The following PTK7 variants were observed in gnomAD, a reference collection of about 807,000 sequenced individuals.
The protein encoded by PTK7 is protein tyrosine kinase 7 (inactive), also known as inactive tyrosine-protein kinase 7.
PTK7 carries 39 observed loss-of-function variants against 116.6 expected under a neutral mutation model. The observed-to-expected ratio is 0.33, with a 90% CI of 0.26 to 0.44. The LOEUF is 0.44. Ranked by LOEUF, PTK7 falls within the 20% of genes least tolerant of loss-of-function variation. The pLI is 1.00. For synonymous variants in PTK7, 546 were observed against 563.6 expected, an observed-to-expected ratio of 0.97 and a Z score of 0.44; for missense variants, 1,169 against 1,425.6, an observed-to-expected ratio of 0.82 and a Z score of 2.90.
chr6:43,157,364 A>ATTTT (rs1293389236), intron 17 of PTK7, among the ~76,000 whole-genome samples: 31 of 54,322 alleles, frequency 5.7e-4, no homozygotes, highest in South Asian at 1.6e-3. Context: ...ATATATATAT[A>ATTTT]TTTTTTTTTT....
Position 43,144,517 on chromosome 6 carries a change from G to A in PTK7, c.2318G>A (p.Gly773Asp), listed in dbSNP as rs2150455629. Reference protein sequence around the residue: ...IQEEVALTSLGSGPAATNKRH... With the variant: ...IQEEVALTSLDSGPAATNKRH... ...GAAGAAGTGGCCTTGACCAGCTTGG[G>A]CTCCGGCCCCGCGGCCACCAACAAA... Residue 773 changes from glycine to aspartate, a missense_variant, in exon 15 of 20, where the codon GGC becomes GAC. Physicochemically the swap from Gly to Asp is moderately conservative, Grantham distance 94. Coordinates refer to ENST00000230419, the MANE Select transcript of PTK7 (RefSeq NM_002821.5). The A allele has an allele frequency of 6.2e-7, 1 of 1,614,156 alleles. No homozygotes were observed. Among genetic ancestry groups the A allele is most frequent in the South Asian group, 1.1e-5 (1 of 91,074 alleles).
chr6:43,118,536 G>GAAAT (rs1432480374), intron 1 of PTK7, among the ~76,000 whole-genome samples: 1 of 149,368 alleles, frequency 6.7e-6, no homozygotes, highest in African/African-American at 2.5e-5. Context: ...ACTCTGTCTT[G>GAAAT]AAATAAATAA....
Position 43,083,559 on chromosome 6 carries a change from C to T in PTK7, c.79+6992C>T, listed in dbSNP as rs117051930. On this transcript the variant is annotated intron_variant, in intron 1 of 19. Coordinates refer to ENST00000230419, the MANE Select transcript of PTK7 (RefSeq NM_002821.5). ...GTCACTTTTTCCATCCTCTTTTCTT[C>T]TCTGCATTTAGGCCGTTTCCCTCCC... Among the ~76,000 whole-genome samples the T allele has an allele frequency of 5.7e-4, 87 of 152,300 alleles. 1 individual carries two copies. In the East Asian group the frequency reaches 0.016, roughly 28 times the overall value.
chr6:43,123,843 C>T (rs914718055), intron 1 of PTK7, among the ~76,000 whole-genome samples: 2 of 152,156 alleles, frequency 1.3e-5, no homozygotes, highest in Non-Finnish European at 2.9e-5. Flanking sequence ...GCACCCTCTG[C>T]GTTTTGTGCC....
chr6:43,143,331 G>A lies in PTK7; in HGVS notation c.2048-86G>A, dbSNP rs1300315411. On this transcript the variant is annotated intron_variant, in intron 13 of 19. Transcript: ENST00000230419. The surrounding 1 kb of genome is among the most constrained non-coding windows in gnomAD (Gnocchi z 4.2). Reference sequence around the variant, plus strand: ...CCCGGGCCATCTGTTAAGTTGCCCTGTTGATGGGGTTGGGAGGAGTTAGTA... The same window carrying A: ...CCCGGGCCATCTGTTAAGTTGCCCTATTGATGGGGTTGGGAGGAGTTAGTA... 1 of 1,376,110 alleles carries A rather than the reference G, an allele frequency of 7.3e-7. No individual in the cohort carries two copies. Among genetic ancestry groups the A allele is most frequent in the Non-Finnish European group, 1.0e-6 (1 of 995,530 alleles). The allele number at this position is 1,376,110 out of a possible 1,614,324, so 85.2% of individuals were successfully genotyped here. A position where few individuals can be genotyped will look rare whatever the true frequency, so the allele number is the denominator to read the frequency against.
chr6:43,148,705 T>G (rs1770867141), intron 17 of PTK7, among the ~76,000 whole-genome samples: 1 of 151,930 alleles, frequency 6.6e-6, no homozygotes, highest in Non-Finnish European at 1.5e-5. Context: ...TGGGGGAACT[T>G]TAATAAGTTG....
chr6:43,132,596 C>T lies in PTK7; in HGVS notation c.1137C>T (p.Ala379=). ...VYQKGHELVL[A]NIAESDAGVY... The stretch of plus-strand genomic sequence containing the variant: ...AGAAGGGCCACGAGCTGGTGTTGGC[C>T]AATATTGCTGAAAGTGATGCTGGTG... The change falls in exon 7 of 20, where the codon GCC becomes GCT. Residue 379 remains alanine, a synonymous_variant. Transcript: ENST00000230419. The T allele has an allele frequency of 6.2e-7, 1 of 1,612,052 alleles. No individual in the cohort carries two copies. Among genetic ancestry groups the T allele is most frequent in the Non-Finnish European group, 8.5e-7 (1 of 1,179,284 alleles).
chr6:43,082,292 C>T (rs1443121155), intron 1 of PTK7, among the ~76,000 whole-genome samples: 2 of 152,206 alleles, frequency 1.3e-5, no homozygotes, highest in African/African-American at 2.4e-5. Flanking sequence ...TCTCCTGCCT[C>T]AGCCTCCTGA....
chr6:43,121,539 C>T (rs767722177), intron 1 of PTK7, among the ~76,000 whole-genome samples: 20 of 152,162 alleles, frequency 1.3e-4, no homozygotes, highest in Non-Finnish European at 2.4e-4. Context: ...TTTGTAGACC[C>T]TGGGAAGACA....
At chr6:43,127,015 C>G (rs1769331710) in intron 1 of PTK7, among the ~76,000 whole-genome samples, 1 of 152,168 alleles carries the variant, frequency 6.6e-6, no homozygotes, top group Non-Finnish European at 1.5e-5. Flanking sequence ...CTCATCTGGA[C>G]CCAGCCTGGG....
At chr6:43,100,975 G>A (rs974866671) in intron 1 of PTK7, among the ~76,000 whole-genome samples, 2 of 152,240 alleles carry the variant, frequency 1.3e-5, no homozygotes, top group African/African-American at 4.8e-5. Flanking sequence ...GCTCACGCCT[G>A]TAATCCCAGC....
Position 43,141,605 on chromosome 6 carries a change from G to T in PTK7, c.1619-63G>T. ...TTTTGAGTAGAGGTGAGGGACTGAA[G>T]GCATTGCCAGCTGTCTGTGTAACCC... On this transcript the variant is annotated intron_variant, in intron 10 of 19. Coordinates refer to ENST00000230419, the MANE Select transcript of PTK7 (RefSeq NM_002821.5). This position sits in a 1 kb window ranked among gnomAD's most constrained non-coding sequence, Gnocchi z 4.9. 1 of 1,551,656 alleles carries T rather than the reference G, an allele frequency of 6.4e-7. No individual in the cohort carries two copies. The highest frequency in any genetic ancestry group is 8.8e-7 in the Non-Finnish European group (1 of 1,135,118).
rs1765999686 is a variant in PTK7, at chr6:43,076,370, C to T, written c.-119C>T. ...CTCGGGACGCCTCGGGGTCGGGCTCCGGCTGCGGCTGCTGCTGCGGCGCCC... is the reference window on the plus strand; with the variant it reads ...CTCGGGACGCCTCGGGGTCGGGCTCTGGCTGCGGCTGCTGCTGCGGCGCCC... On this transcript the variant is annotated 5_prime_UTR_variant, in exon 1 of 20. Transcript: ENST00000230419. The surrounding 1 kb of genome is among the most constrained non-coding windows in gnomAD (Gnocchi z 5.7). 1.4e-6 allele frequency: 1 copy of T among 689,698 alleles called. No individual in the cohort carries two copies. 42.7% of individuals were successfully genotyped at this position (689,698 alleles called of 1,614,324 possible).
At chr6:43,115,439 C>G (rs1036415622) in intron 1 of PTK7, among the ~76,000 whole-genome samples, 1 of 152,140 alleles carries the variant, frequency 6.6e-6, no homozygotes, top group African/African-American at 2.4e-5. Flanking sequence ...CCTCATCCCC[C>G]TGTGCCCCCA....
chr6:43,107,063 T>C (rs1465495752), intron 1 of PTK7, among the ~76,000 whole-genome samples: 3 of 151,836 alleles, frequency 2.0e-5, no homozygotes, highest in Non-Finnish European at 2.9e-5. Flanking sequence ...GCTGGGACTA[T>C]AGGTGTGCAC....
chr6:43,108,540 C>T (rs751935097), intron 1 of PTK7, among the ~76,000 whole-genome samples: 5 of 151,916 alleles, frequency 3.3e-5, no homozygotes, highest in Non-Finnish European at 4.4e-5. Flanking sequence ...GCTGGGACTA[C>T]AGGCGCATAC....
chr6:43,076,717 G>A lies in PTK7; in HGVS notation c.79+150G>A. The A allele has an allele frequency of 1.5e-6, 2 of 1,377,874 alleles. No individual in the cohort carries two copies. Among genetic ancestry groups the A allele is most frequent in the Admixed American group, 6.0e-5 (2 of 33,060 alleles). The allele number at this position is 1,377,874 out of a possible 1,614,324, so 85.4% of individuals were successfully genotyped here. A position where few individuals can be genotyped will look rare whatever the true frequency, so the allele number is the denominator to read the frequency against. ...GGGGGTGCAGGCTTGCGGCGGAAGGGCGCAAGGAGCCCGGGTGTCGGGAGG... is the reference window on the plus strand; with the variant it reads ...GGGGGTGCAGGCTTGCGGCGGAAGGACGCAAGGAGCCCGGGTGTCGGGAGG... On this transcript the variant is annotated intron_variant, in intron 1 of 19. Coordinates refer to ENST00000230419, the MANE Select transcript of PTK7 (RefSeq NM_002821.5). The surrounding 1 kb of genome is among the most constrained non-coding windows in gnomAD (Gnocchi z 5.7).
chr6:43,097,372 T>C (rs1242457047), intron 1 of PTK7, among the ~76,000 whole-genome samples: 2 of 152,194 alleles, frequency 1.3e-5, no homozygotes, highest in African/African-American at 2.4e-5. Context: ...ACCACAAATA[T>C]CCTTGTACCT....
intron 1 of PTK7, among the ~76,000 whole-genome samples, chr6:43,083,368 C>T (rs1349737689): frequency 1.3e-5 from 2 of 152,216 alleles, no homozygotes; most frequent in Non-Finnish European, 2.9e-5. Flanking sequence ...TGGCCCCCAT[C>T]TGCCTGGTCC....
Sources: gnomAD v4.1 joint callset for allele counts (sites outside exome capture counted in the v4.1 genomes callset) on GRCh38, gnomAD v4.1.1 for gene constraint, Gnocchi (gnomAD v3.1) non-coding constraint, MANE v1.5 for transcripts, NCBI Gene and HGNC (gene_info 2026-07-23, HGNC 2026-07-21) for gene names.